The following FBN2 variants were observed in gnomAD, a reference collection of about 807,000 sequenced individuals.
FBN2 encodes fibrillin 2.
FBN2 carries 105 observed loss-of-function variants against 355.6 expected under a neutral mutation model. The observed-to-expected ratio is 0.30, with a 90% CI of 0.25 to 0.35. FBN2 has a LOEUF of 0.35. Among genes scored for constraint, FBN2 ranks in the 10% least tolerant of loss-of-function variants. The pLI is 1.00. For synonymous variants in FBN2, 1,350 were observed against 1,301.2 expected, an observed-to-expected ratio of 1.04 and a Z score of -0.81; for missense variants, 3,280 against 3,758.7, an observed-to-expected ratio of 0.87 and a Z score of 3.33.
rs1764876693 is a variant in FBN2 at position 128,258,570 on chromosome 5, G to A, written c.*885C>T. The A allele has an allele frequency of 6.6e-6, 1 of 152,576 alleles. No homozygotes were observed. The highest frequency in any genetic ancestry group is 1.5e-5 in the Non-Finnish European group (1 of 68,034). The allele number at this position is 152,576 out of a possible 1,614,324, so 9.5% of individuals were successfully genotyped here. A position where few individuals can be genotyped will look rare whatever the true frequency, so the allele number is the denominator to read the frequency against. On this transcript the variant is annotated 3_prime_UTR_variant, in exon 65 of 65. Coordinates refer to ENST00000262464, the MANE Select transcript of FBN2 (RefSeq NM_001999.4). ...GTTCTTCAGCTGCCTACAGTACCAT[G>A]AGGACGCAGCGCACCCTGGGTAAGA... is the stretch of plus-strand genomic sequence containing the variant.
At chr5:128,434,893 T>C (rs1448116974) in intron 7 of FBN2, among the ~76,000 whole-genome samples, 1 of 152,144 alleles carries the variant, frequency 6.6e-6, no homozygotes, top group Non-Finnish European at 1.5e-5. Flanking sequence ...GGTTTTCCTA[T>C]CATTAACACA....
chr5:128,338,840 G>A lies in FBN2; in HGVS notation c.3472+93C>T, dbSNP rs115959921. ...ACCACAGATGCTGGCCACACATGCC[G>A]TTCACAGCCCAGAGATAAGCAAAGG... On this transcript the variant is annotated intron_variant, in intron 26 of 64. Transcript: ENST00000262464. The A allele has an allele frequency of 2.6e-4, 355 of 1,388,790 alleles. 1 individual carries two copies. The African/African-American group carries it at 3.9e-3, about 15-fold the overall frequency. The allele number at this position is 1,388,790 out of a possible 1,614,324, so 86.0% of individuals were successfully genotyped here. A position where few individuals can be genotyped will look rare whatever the true frequency, so the allele number is the denominator to read the frequency against.
chr5:128,524,268 T>C (rs1468040778), intron 4 of FBN2, among the ~76,000 whole-genome samples: 3 of 152,162 alleles, frequency 2.0e-5, no homozygotes, highest in African/African-American at 2.4e-5. Flanking sequence ...TGTGTTTCAA[T>C]GTCACCTTCT....
intron 15 of FBN2, among the ~76,000 whole-genome samples, chr5:128,372,283 G>A (rs1445181559): frequency 6.6e-6 from 1 of 152,120 alleles, no homozygotes; most frequent in African/African-American, 2.4e-5. Flanking sequence ...GAATGAATGG[G>A]AAAGATAAAG....
intron 5 of FBN2, among the ~76,000 whole-genome samples, chr5:128,473,616 T>C (rs1304738019): frequency 1.3e-5 from 2 of 152,182 alleles, no homozygotes; most frequent in African/African-American, 4.8e-5. Flanking sequence ...ACATGGGTTT[T>C]CTACATTCTC....
rs1318526539 is a variant in FBN2 at position 128,443,657 on chromosome 5, A to G, written c.952+2824T>C. On this transcript the variant is annotated intron_variant, in intron 7 of 64. Coordinates refer to ENST00000262464, the MANE Select transcript of FBN2 (RefSeq NM_001999.4). ...CCAAAATACTGAACTTACTTTTCTTATTTCTGAACAGACCTAGTAACTTAA... is the reference window on the plus strand; with the variant it reads ...CCAAAATACTGAACTTACTTTTCTTGTTTCTGAACAGACCTAGTAACTTAA... Among the ~76,000 whole-genome samples, 3 of 152,190 alleles carry G rather than the reference A, an allele frequency of 2.0e-5. No individual in the cohort carries two copies. In the East Asian group the frequency reaches 5.8e-4, roughly 29 times the overall value.
At chr5:128,376,922 C>T in intron 13 of FBN2, 69 bp from the exon 14 acceptor site, 1 of 1,588,768 alleles carries the variant, frequency 6.3e-7, no homozygotes, top group Non-Finnish European at 8.6e-7. Flanking sequence ...CTTCCATAAA[C>T]AACCCCCAGT....
In FBN2 at chr5:128,334,793, T is replaced by G; in HGVS notation, c.4025A>C (p.Glu1342Ala). ...GCAAATGAAGGATCCCTTTGTGTTC[T>G]CACATTCCCCAAACATGCAGATATT... ...NSNICMFGECENTKGSFICHC... is the reference protein window; with the variant it reads ...NSNICMFGECANTKGSFICHC... Residue 1342 changes from glutamate (E) to alanine (A), a missense_variant, in exon 31 of 65, where the codon GAG becomes GCG. By Grantham distance (107) the Glu-to-Ala change is moderately radical. Transcript: ENST00000262464. The G allele has an allele frequency of 6.2e-7, 1 of 1,613,374 alleles. No individual in the cohort carries two copies. The highest frequency in any genetic ancestry group is 8.5e-7 in the Non-Finnish European group (1 of 1,179,248).
chr5:128,362,519 G>C (rs567519286), intron 18 of FBN2, among the ~76,000 whole-genome samples: 1 of 152,308 alleles, frequency 6.6e-6, no homozygotes, highest in Admixed American at 6.5e-5. Context: ...ATAGTGCACT[G>C]GTGCGATCAC....
At chr5:128,419,178 G>C (rs1753280646) in intron 7 of FBN2, among the ~76,000 whole-genome samples, 1 of 152,150 alleles carries the variant, frequency 6.6e-6, no homozygotes, top group Admixed American at 6.5e-5. Flanking sequence ...ATAGTTTTTA[G>C]AGTACACCAT....
At chr5:128,329,765 G>GA (rs903850258) in intron 33 of FBN2, among the ~76,000 whole-genome samples, 40 of 152,138 alleles carry the variant, frequency 2.6e-4, no homozygotes, top group Non-Finnish European at 5.1e-4. Context: ...TCCACAATTT[G>GA]AAAAAAATTT....
Position 128,305,234 on chromosome 5 carries a change from C to T in FBN2, c.5675-152G>A, listed in dbSNP as rs7700608. ...AGCTGAATCAAAATGAGCAGGACTT[C>T]AAAGTATCCAACCCTCTTTTTTTAA... On this transcript the variant is annotated intron_variant, in intron 44 of 64. Coordinates refer to ENST00000262464, the MANE Select transcript of FBN2 (RefSeq NM_001999.4). The T allele has an allele frequency of 0.012, 10,327 of 828,158 alleles. 788 individuals carry two copies. The African/African-American group carries it at 0.16, about 13-fold the overall frequency. 51.3% of individuals were successfully genotyped at this position (828,158 alleles called of 1,614,324 possible).
chr5:128,498,643 C>CT (rs958932101), intron 5 of FBN2, among the ~76,000 whole-genome samples: 50 of 152,134 alleles, frequency 3.3e-4, no homozygotes, highest in African/African-American at 1.0e-3. Context: ...TTATTTATAG[C>CT]TTTGTAGAGT....
chr5:128,403,855 C>T (rs761030187), intron 8 of FBN2, among the ~76,000 whole-genome samples: 1 of 151,972 alleles, frequency 6.6e-6, no homozygotes, highest in Non-Finnish European at 1.5e-5. Flanking sequence ...GGAAAATTAT[C>T]GTGTCTTATA....
intron 43 of FBN2, 75 bp from the exon 44 acceptor site, chr5:128,305,711 A>T: frequency 6.2e-7 from 1 of 1,600,784 alleles, no homozygotes; most frequent in Non-Finnish European, 8.6e-7. Flanking sequence ...TCACACTTTG[A>T]TGATCAACTC....
At chr5:128,490,791 T>C (rs1441688313) in intron 5 of FBN2, among the ~76,000 whole-genome samples, 1 of 152,252 alleles carries the variant, frequency 6.6e-6, no homozygotes, top group Non-Finnish European at 1.5e-5. Context: ...ATCTCTTTTT[T>C]GTTCCTAATA....
chr5:128,295,571 C>G (rs2126826682), intron 48 of FBN2, among the ~76,000 whole-genome samples: 1 of 138,166 alleles, frequency 7.2e-6, no homozygotes, highest in Middle Eastern at 3.5e-3. Flanking sequence ...AAGTTGGATT[C>G]CTAGGTATTT....
At chr5:128,430,705 G>A (rs1424575135) in intron 7 of FBN2, among the ~76,000 whole-genome samples, 2 of 151,972 alleles carry the variant, frequency 1.3e-5, no homozygotes, top group Non-Finnish European at 2.9e-5. Context: ...TCAGCCAGGT[G>A]TGGTGGCACA....
intron 23 of FBN2, among the ~76,000 whole-genome samples, chr5:128,348,254 C>T (rs1318647682): frequency 2.6e-5 from 4 of 151,526 alleles, no homozygotes; most frequent in Admixed American, 6.6e-5. Flanking sequence ...TTTAAAATTT[C>T]GATAGTTTTG....
Sources: gnomAD v4.1 joint callset for allele counts (sites outside exome capture counted in the v4.1 genomes callset) on GRCh38, gnomAD v4.1.1 for gene constraint, MANE v1.5 for transcripts, NCBI Gene and HGNC (gene_info 2026-07-23, HGNC 2026-07-21) for gene names.